MBD5: variants seen among roughly 807,000 people sequenced by gnomAD.
MBD5 encodes methyl-CpG binding domain protein 5, also known as methyl-CpG-binding domain protein 5.
Under a neutral mutation model 117.3 loss-of-function variants are expected in MBD5, and 13 were observed. That is an observed-to-expected ratio of 0.11 (90% CI 0.07 to 0.18). The LOEUF (loss-of-function observed/expected upper bound fraction) is 0.18, where lower values mean the gene tolerates loss of function less well. Among genes scored for constraint, MBD5 ranks in the 10% least tolerant of loss-of-function variants. The pLI is 1.00. For synonymous variants in MBD5, 727 were observed against 766.4 expected, an observed-to-expected ratio of 0.95 and a Z score of 0.85; for missense variants, 1,879 against 2,093.8, an observed-to-expected ratio of 0.90 and a Z score of 2.00.
chr2:148,189,395 A>G (rs1291328914), intron 2 of MBD5, among the ~76,000 whole-genome samples: 1 of 150,792 alleles, frequency 6.6e-6, no homozygotes, highest in Admixed American at 6.6e-5. Context: ...CTCCCAGCAC[A>G]CAGCTGGAGA....
At chr2:148,073,537 A>G (rs1398674240) in intron 1 of MBD5, among the ~76,000 whole-genome samples, 1 of 152,178 alleles carries the variant, frequency 6.6e-6, no homozygotes, top group Non-Finnish European at 1.5e-5. Flanking sequence ...TTAACTATAT[A>G]TGGTACATTC....
chr2:148,449,860 A>G (rs1384417877), intron 4 of MBD5, among the ~76,000 whole-genome samples: 1 of 152,082 alleles, frequency 6.6e-6, no homozygotes, highest in Non-Finnish European at 1.5e-5. Flanking sequence ...TTTTTTGAAG[A>G]TAGTATTTTC....
chr2:148,053,071 C>A (rs1694765656), intron 1 of MBD5, among the ~76,000 whole-genome samples: 1 of 150,922 alleles, frequency 6.6e-6, no homozygotes, highest in Non-Finnish European at 1.5e-5. Context: ...TTTTTTCTTG[C>A]TCATCTTCTA....
At chr2:148,235,342 T>C (rs182453255) in intron 3 of MBD5, among the ~76,000 whole-genome samples, 117 of 152,294 alleles carry the variant, frequency 7.7e-4, no homozygotes, top group African/African-American at 2.7e-3. Context: ...TCCACACATA[T>C]ATTATTTTGA....
chr2:148,469,264 T>A lies in MBD5; in HGVS notation c.1321T>A (p.Ser441Thr). ...CTCCCTGTCCCCTTCTCCAGTGACATCCCCCGTGCACATGATGGGGACTGG... is the reference window on the plus strand; with the variant it reads ...CTCCCTGTCCCCTTCTCCAGTGACAACCCCCGTGCACATGATGGGGACTGG... ...STSLSPSPVT[S>T]PVHMMGTGIG... The change falls in exon 8 of 14, where the codon TCC (serine) becomes ACC (threonine). Residue 441 changes from serine (S) to threonine (T), a missense_variant. Around this residue, in one of 4 missense-constraint regions of MBD5, gnomAD observed 1,666 missense variants for 1,792.2 expected, o/e 0.93. Coordinates refer to ENST00000642680, the MANE Select transcript of MBD5 (RefSeq NM_001378120.1). 1 of 1,613,726 alleles carries A rather than the reference T, an allele frequency of 6.2e-7. No individual in the cohort carries two copies. Among genetic ancestry groups the A allele is most frequent in the Non-Finnish European group, 8.5e-7 (1 of 1,179,918 alleles).
chr2:148,437,815 C>G (rs930018553), intron 4 of MBD5, among the ~76,000 whole-genome samples: 4 of 152,118 alleles, frequency 2.6e-5, no homozygotes, highest in Non-Finnish European at 5.9e-5. Context: ...TTGCACCCAG[C>G]TTTATGACTG....
At chr2:148,369,325 CA>C (rs1275533635) in intron 4 of MBD5, among the ~76,000 whole-genome samples, 7 of 151,684 alleles carry the variant, frequency 4.6e-5, no homozygotes, top group Middle Eastern at 3.2e-3. Context: ...TAAAATCCCA[CA>C]AAGGGCATTG....
chr2:148,081,402 G>A (rs1168244636), intron 1 of MBD5, among the ~76,000 whole-genome samples: 1 of 152,184 alleles, frequency 6.6e-6, no homozygotes. Flanking sequence ...AATTGTATAT[G>A]CACAGATATT....
chr2:148,079,571 G>A (rs1695590739), intron 1 of MBD5, among the ~76,000 whole-genome samples: 1 of 151,528 alleles, frequency 6.6e-6, no homozygotes, highest in Non-Finnish European at 1.5e-5. Context: ...CTTAAAACTT[G>A]CTTTTGGCCT....
rs570858096 is a variant in MBD5 at position 148,069,644 on chromosome 2, CCTGACCTTTTTA to C, written c.-925+47961_-925+47972del. ...ACAAGCCGCTGTTAAACCACTTTTC[CCTGACCTTTTTA>C]ATGTCTTAATTAATTAATTAATTAA... On this transcript the variant is annotated intron_variant, in intron 1 of 13. Coordinates refer to ENST00000642680, the MANE Select transcript of MBD5 (RefSeq NM_001378120.1). Among the ~76,000 whole-genome samples the C allele has an allele frequency of 2.9e-3, 445 of 151,854 alleles. 1 individual carries two copies. Among genetic ancestry groups the C allele is most frequent in the Admixed American group, 4.6e-3 (70 of 15,248 alleles).
rs192044347 is a variant in MBD5 at position 148,136,139 on chromosome 2, C to A, written c.-924-42561C>A. On this transcript the variant is annotated intron_variant, in intron 1 of 13. Transcript: ENST00000642680. ...GCATCAGGGACACATTCTCAGGTGA[C>A]CACATTTCCAACAAGTTAAATGGAA... Among the ~76,000 whole-genome samples the A allele has an allele frequency of 5.5e-4, 84 of 152,198 alleles. 2 individuals carry two copies. In the East Asian group the frequency reaches 0.015, roughly 28 times the overall value.
chr2:148,261,343 GT>G (rs1447377677), intron 3 of MBD5, among the ~76,000 whole-genome samples: 2 of 152,188 alleles, frequency 1.3e-5, no homozygotes, highest in Non-Finnish European at 2.9e-5. Context: ...AAAATCTGTT[GT>G]TTGTTCATCA....
At chr2:148,146,067 AT>A (rs1697453163) in intron 1 of MBD5, among the ~76,000 whole-genome samples, 1 of 152,156 alleles carries the variant, frequency 6.6e-6, no homozygotes, top group Non-Finnish European at 1.5e-5. Flanking sequence ...AAATAAGTTA[AT>A]TGTATATTGA....
chr2:148,246,797 A>G (rs888230277), intron 3 of MBD5, among the ~76,000 whole-genome samples: 3 of 146,176 alleles, frequency 2.1e-5, no homozygotes, highest in Non-Finnish European at 4.5e-5. Flanking sequence ...ATTGTTTGCT[A>G]CTGTTCAGGT....
chr2:148,328,501 G>A (rs912816851), intron 3 of MBD5, among the ~76,000 whole-genome samples: 2 of 152,218 alleles, frequency 1.3e-5, no homozygotes, highest in African/African-American at 4.8e-5. Flanking sequence ...AGACTCTGTG[G>A]GCGTAGGACC....
At chr2:148,174,638 G>A (rs972627355) in intron 1 of MBD5, among the ~76,000 whole-genome samples, 26 of 151,610 alleles carry the variant, frequency 1.7e-4, no homozygotes, top group Admixed American at 6.6e-5. Flanking sequence ...AATTGGAAAC[G>A]GACCTGAATA....
chr2:148,505,715 C>T (rs1303135859), intron 12 of MBD5, among the ~76,000 whole-genome samples: 4 of 151,946 alleles, frequency 2.6e-5, no homozygotes, highest in Admixed American at 1.3e-4. Context: ...TGAAAAATAA[C>T]GAAGAAAGAA....
chr2:148,362,810 G>A (rs1703581344), intron 4 of MBD5, among the ~76,000 whole-genome samples: 1 of 152,206 alleles, frequency 6.6e-6, no homozygotes, highest in Non-Finnish European at 1.5e-5. Context: ...AGTCTTTGCT[G>A]TTCTTCAGCC....
In MBD5 at chr2:148,332,232, A is replaced by T. The variant is rs577062500; in HGVS notation, c.-679-9982A>T. 3.9e-4 allele frequency among the ~76,000 whole-genome samples: 60 copies of T among 152,284 alleles called. 1 individual carries two copies. Among genetic ancestry groups the T allele is most frequent in the African/African-American group, 1.4e-3 (58 of 41,568 alleles). ...CACACCATCATTTCTATATAGTTAT[A>T]TAATGATTTTGTTAAGTTTAATATT... On this transcript the variant is annotated intron_variant, in intron 3 of 13. Transcript: ENST00000642680.
Sources: allele counts gnomAD v4.1 joint callset (sites outside exome capture counted in the v4.1 genomes callset), GRCh38; gene constraint gnomAD v4.1.1; regional missense constraint gnomAD v4.1.1; transcripts MANE v1.5; gene names NCBI Gene and HGNC (gene_info 2026-07-23, HGNC 2026-07-21).